Variants in FOXP2 observed in about 807,000 individuals in gnomAD.
FOXP2 encodes forkhead box P2, also known as forkhead box protein P2.
FOXP2 carries 12 observed loss-of-function variants against 115.8 expected under a neutral mutation model. The observed-to-expected ratio is 0.10, with a 90% confidence interval of 0.07 to 0.17. The LOEUF is 0.17. Ranked by LOEUF, FOXP2 falls within the 10% of genes least tolerant of loss-of-function variation. FOXP2 has a pLI of 1.00. For missense variants in FOXP2, 629 were observed against 843.5 expected, an observed-to-expected ratio of 0.75 and a Z score of 3.15; for synonymous variants, 328 against 297.7, an observed-to-expected ratio of 1.10 and a Z score of -1.05.
intron 1 of FOXP2, among the ~76,000 whole-genome samples, chr7:114,223,722 T>C (rs1383581246): frequency 1.3e-5 from 2 of 151,390 alleles, no homozygotes; most frequent in Non-Finnish European, 2.9e-5. Flanking sequence ...GTTATCATCA[T>C]GCCTCTGCCA....
chr7:114,545,301 T>A (rs1010221525), intron 3 of FOXP2, among the ~76,000 whole-genome samples: 3 of 152,230 alleles, frequency 2.0e-5, no homozygotes, highest in Non-Finnish European at 2.9e-5. Context: ...ATCCCAGCAC[T>A]AACTTTTGTT....
At chr7:114,494,530 T>A (rs2129246860) in intron 2 of FOXP2, among the ~76,000 whole-genome samples, 1 of 152,190 alleles carries the variant, frequency 6.6e-6, no homozygotes, top group East Asian at 1.9e-4. Context: ...CCAAGAAAAC[T>A]GTGGAATAAA....
chr7:114,502,842 A>G (rs1046404771), intron 2 of FOXP2, among the ~76,000 whole-genome samples: 2 of 152,022 alleles, frequency 1.3e-5, no homozygotes, highest in Non-Finnish European at 2.9e-5. Context: ...TTTCATCAGA[A>G]GGGGAAGTTT....
intron 3 of FOXP2, among the ~76,000 whole-genome samples, chr7:114,552,703 C>T (rs1468590116): frequency 1.3e-5 from 2 of 152,016 alleles, no homozygotes; most frequent in African/African-American, 4.8e-5. Context: ...TACGTTATTC[C>T]ATTATGTTCC....
intron 2 of FOXP2, among the ~76,000 whole-genome samples, chr7:114,495,738 C>T (rs979908822): frequency 2.0e-5 from 3 of 151,848 alleles, no homozygotes; most frequent in African/African-American, 4.8e-5. Flanking sequence ...AACTCCTGAC[C>T]TCAGATGATC....
intron 3 of FOXP2, among the ~76,000 whole-genome samples, chr7:114,572,091 A>G (rs1417280187): frequency 6.6e-6 from 1 of 151,890 alleles, no homozygotes; most frequent in Non-Finnish European, 1.5e-5. Context: ...TTGGTTAAAA[A>G]GACAGAAAAT....
intron 1 of FOXP2, among the ~76,000 whole-genome samples, chr7:114,180,635 G>A (rs942066945): frequency 2.6e-5 from 4 of 151,902 alleles, no homozygotes; most frequent in African/African-American, 9.7e-5. Flanking sequence ...GATATGTTCT[G>A]TCTTAGTGAA....
chr7:114,456,724 A>T (rs1795326401), intron 2 of FOXP2, among the ~76,000 whole-genome samples: 1 of 152,166 alleles, frequency 6.6e-6, no homozygotes, highest in Non-Finnish European at 1.5e-5. Context: ...TTGCACTCTC[A>T]TGGTCATGGT....
intron 6 of FOXP2, among the ~76,000 whole-genome samples, chr7:114,633,258 AC>A (rs1443442672): frequency 1.3e-5 from 2 of 152,264 alleles, no homozygotes; most frequent in South Asian, 2.1e-4. Context: ...CAAGCAAAAA[AC>A]ATCTCTCTGA....
chr7:114,374,513 G>A (rs189197844), intron 2 of FOXP2, among the ~76,000 whole-genome samples: 2 of 152,242 alleles, frequency 1.3e-5, no homozygotes, highest in Admixed American at 1.3e-4. Flanking sequence ...GACCCAAAGT[G>A]TGTGATAAGG....
At chr7:114,345,143 A>T (rs1791316446) in intron 2 of FOXP2, among the ~76,000 whole-genome samples, 1 of 151,842 alleles carries the variant, frequency 6.6e-6, no homozygotes, top group Non-Finnish European at 1.5e-5. Context: ...AGTTTCCATT[A>T]AAATAATATG....
chr7:114,179,485 G>A (rs1793402485), intron 1 of FOXP2, among the ~76,000 whole-genome samples: 1 of 151,906 alleles, frequency 6.6e-6, no homozygotes, highest in African/African-American at 2.4e-5. Context: ...TCAAGCCTGT[G>A]TTTTCAATGC....
intron 1 of FOXP2, among the ~76,000 whole-genome samples, chr7:114,178,538 A>C (rs1793376503): frequency 6.6e-6 from 1 of 151,936 alleles, no homozygotes; most frequent in Non-Finnish European, 1.5e-5. Context: ...AATTTTATGA[A>C]AATTTCATGT....
At chr7:114,598,152 G>T (rs1304320194) in intron 3 of FOXP2, among the ~76,000 whole-genome samples, 2 of 152,036 alleles carry the variant, frequency 1.3e-5, no homozygotes, top group African/African-American at 4.8e-5. Flanking sequence ...CTGTGGCCAA[G>T]ATCCCTAAGA....
rs574541526 is a variant in FOXP2 at position 114,612,612 on chromosome 7, ACT to A, written c.259-15925_259-15924del. ...ATGTGATGAACTGTCAGGAAGCCTG[ACT>A]CTAAATTAGTGGCACTAAGTGACAG... On this transcript the variant is annotated intron_variant, in intron 3 of 16. Coordinates refer to ENST00000350908, the MANE Select transcript of FOXP2 (RefSeq NM_014491.4). 1.8e-3 allele frequency among the ~76,000 whole-genome samples: 274 copies of A among 152,204 alleles called. 2 individuals are homozygous for A. The highest frequency in any genetic ancestry group is 6.2e-3 in the African/African-American group (256 of 41,526).
At chr7:114,574,088 A>G (rs1801454982) in intron 3 of FOXP2, among the ~76,000 whole-genome samples, 1 of 151,806 alleles carries the variant, frequency 6.6e-6, no homozygotes, top group Non-Finnish European at 1.5e-5. Context: ...TAATGTACTC[A>G]CTAATAAATT....
chr7:114,670,201 A>T (rs1353764089), intron 16 of FOXP2, among the ~76,000 whole-genome samples: 1 of 152,052 alleles, frequency 6.6e-6, no homozygotes, highest in Non-Finnish European at 1.5e-5. Context: ...TAAAGCAATT[A>T]TCTGAAGCTT....
chr7:114,499,130 GC>G, intron 2 of FOXP2: 1 of 515,872 alleles, frequency 1.9e-6, no homozygotes, highest in Non-Finnish European at 3.4e-6. Context: ...AGAACCACTG[GC>G]CTAGAAGAAA....
At chr7:114,509,667 T>G (rs1189338093) in intron 2 of FOXP2, among the ~76,000 whole-genome samples, 1 of 102,212 alleles carries the variant, frequency 9.8e-6, no homozygotes, top group African/African-American at 4.2e-5. Context: ...TTGTTTTCTT[T>G]GGTGGGGGGG....
Sources: allele counts gnomAD v4.1 joint callset (sites outside exome capture counted in the v4.1 genomes callset), GRCh38; gene constraint gnomAD v4.1.1; transcripts MANE v1.5; gene names NCBI Gene and HGNC (gene_info 2026-07-23, HGNC 2026-07-21).